WNT9B: variants seen among roughly 807,000 people sequenced by gnomAD.
WNT9B encodes the protein Wnt family member 9B.
WNT9B carries 12 observed loss-of-function variants against 30.2 expected under a neutral mutation model. That is an observed-to-expected ratio of 0.40 (90% CI 0.26 to 0.64). The LOEUF (loss-of-function observed/expected upper bound fraction) is 0.64. Among genes scored for constraint, WNT9B ranks in the 30% least tolerant of loss-of-function variants. The pLI, the probability that WNT9B is intolerant of heterozygous loss-of-function variation, is 0.42. For synonymous variants in WNT9B, 218 were observed against 216.9 expected (o/e 1.01, Z -0.05); for missense variants, 442 against 485.2 (o/e 0.91, Z 0.84).
chr17:46,837,088 A>G (rs1371675513), intron 1 of WNT9B, among the ~76,000 whole-genome samples: 2 of 151,848 alleles, frequency 1.3e-5, no homozygotes, highest in Non-Finnish European at 2.9e-5. Flanking sequence ...GACTACAGGC[A>G]CTCGCCACCA....
At chr17:46,865,818 C>A (rs1046602051) in intron 1 of WNT9B, among the ~76,000 whole-genome samples, 1 of 152,138 alleles carries the variant, frequency 6.6e-6, no homozygotes, top group Non-Finnish European at 1.5e-5. Context: ...ACTTACGTTG[C>A]CCAGGCTGGT....
chr17:46,857,704 A>C (rs1311546490), intron 1 of WNT9B, among the ~76,000 whole-genome samples: 2 of 152,138 alleles, frequency 1.3e-5, no homozygotes, highest in African/African-American at 4.8e-5. Flanking sequence ...AATGTATGAG[A>C]GTTCCAGTTG....
chr17:46,877,038 C>G lies in WNT9B; in HGVS notation c.*320C>G, dbSNP rs762890816. The G allele has an allele frequency of 2.2e-5, 26 of 1,164,292 alleles. No individual in the cohort carries two copies. In the African/African-American group the frequency reaches 3.8e-4, roughly 17 times the overall value. The allele number at this position is 1,164,292 out of a possible 1,614,324, so 72.1% of individuals were successfully genotyped here. On this transcript the variant is annotated 3_prime_UTR_variant, in exon 4 of 4. Transcript: ENST00000290015. Reference sequence around the variant, plus strand: ...AGCACAGCAGGACTGAAATTTTGGACGGGAGAGAGGGGCTATTCCATCTTG... The same window carrying G: ...AGCACAGCAGGACTGAAATTTTGGAGGGGAGAGAGGGGCTATTCCATCTTG...
At chr17:46,845,095 C>T (rs183971585) in intron 1 of WNT9B, among the ~76,000 whole-genome samples, 116 of 152,312 alleles carry the variant, frequency 7.6e-4, no homozygotes, top group African/African-American at 2.4e-3. Flanking sequence ...GTGATCCACT[C>T]GCCTCGGCCT....
At chr17:46,853,863 G>T (rs964056089) in intron 1 of WNT9B, among the ~76,000 whole-genome samples, 1 of 152,130 alleles carries the variant, frequency 6.6e-6, no homozygotes, top group African/African-American at 2.4e-5. Context: ...AGAGGAGAGG[G>T]GTTCCAGGAG....
intron 1 of WNT9B, among the ~76,000 whole-genome samples, chr17:46,856,633 G>A (rs930010172): frequency 2.0e-5 from 3 of 151,918 alleles, no homozygotes; most frequent in South Asian, 2.1e-4. Flanking sequence ...ACAAGTGTGC[G>A]CCACCATGCC....
chr17:46,842,435 C>T (rs1173783234), intron 1 of WNT9B, among the ~76,000 whole-genome samples: 2 of 152,262 alleles, frequency 1.3e-5, no homozygotes, highest in East Asian at 1.9e-4. Context: ...AGTGCAGTGG[C>T]GCGATCACGG....
chr17:46,843,400 G>A (rs1184780714), intron 1 of WNT9B, among the ~76,000 whole-genome samples: 1 of 152,042 alleles, frequency 6.6e-6, no homozygotes, highest in Admixed American at 6.6e-5. Context: ...AATTAGGAGG[G>A]ACTATTCCAT....
At chr17:46,839,935 T>C (rs1488168715) in intron 1 of WNT9B, among the ~76,000 whole-genome samples, 1 of 147,742 alleles carries the variant, frequency 6.8e-6, no homozygotes, top group African/African-American at 2.5e-5. Flanking sequence ...TTTCTTTCTT[T>C]CTTTCTTTCT....
chr17:46,858,978 CTTTTT>C (rs35256955), intron 1 of WNT9B, among the ~76,000 whole-genome samples: 1 of 134,234 alleles, frequency 7.4e-6, no homozygotes, highest in Admixed American at 7.6e-5. Flanking sequence ...ATAATTTTAG[CTTTTT>C]TTTTTTTTTT....
chr17:46,835,146 C>T (rs2084612102), intron 1 of WNT9B, among the ~76,000 whole-genome samples: 1 of 152,110 alleles, frequency 6.6e-6, no homozygotes, highest in African/African-American at 2.4e-5. Flanking sequence ...AGGAACACAC[C>T]ACCACACCTG....
chr17:46,850,678 A>G (rs1644804756), upstream of WNT9B, among the ~76,000 whole-genome samples: 1 of 152,226 alleles, frequency 6.6e-6, no homozygotes, highest in Non-Finnish European at 1.5e-5. Context: ...CTTTCTAGAC[A>G]GGTACCACGC....
At chr17:46,834,568 T>G (rs1316117867) in intron 1 of WNT9B, among the ~76,000 whole-genome samples, 2 of 152,120 alleles carry the variant, frequency 1.3e-5, no homozygotes, top group Non-Finnish European at 2.9e-5. Context: ...AACGGTCAAC[T>G]CTAGCAAGCA....
intron 1 of WNT9B, among the ~76,000 whole-genome samples, chr17:46,861,754 A>C (rs1317506822): frequency 6.6e-6 from 1 of 152,260 alleles, no homozygotes; most frequent in Non-Finnish European, 1.5e-5. Context: ...AGCTCTGGTC[A>C]GTCCTGGAAA....
Position 46,876,277 on chromosome 17 carries a change from G to A in WNT9B, c.633G>A (p.Lys211=), listed in dbSNP as rs2085344156. 1.9e-6 allele frequency: 3 copies of A among 1,613,438 alleles called. No individual in the cohort carries two copies. Among genetic ancestry groups the A allele is most frequent in the Admixed American group, 1.7e-5 (1 of 59,994 alleles). ...AVKSGLRTTC[K]CHGVSGSCAV... Reference sequence around the variant, plus strand: ...AGAGTGGCCTCAGGACCACGTGTAAGTGCCATGGCGTATCAGGCTCCTGTG... The same window carrying A: ...AGAGTGGCCTCAGGACCACGTGTAAATGCCATGGCGTATCAGGCTCCTGTG... Residue 211 remains lysine, a synonymous_variant, in exon 4 of 4, where the codon AAG becomes AAA. Transcript: ENST00000290015.
chr17:46,866,397 TGA>T lies in WNT9B; in HGVS notation c.78-6116_78-6115del, dbSNP rs770214703. On this transcript the variant is annotated intron_variant, in intron 1 of 3. Coordinates refer to ENST00000290015, the MANE Select transcript of WNT9B (RefSeq NM_003396.3). ...ATGTGCGTGAGAATGTGTGTATGTGTGAGAGTGTGCATGAGTGTATGTGCGAG... is the reference window on the plus strand; with the variant it reads ...ATGTGCGTGAGAATGTGTGTATGTGTGAGTGTGCATGAGTGTATGTGCGAG... Among the ~76,000 whole-genome samples, 19 of 151,908 alleles carry T rather than the reference TGA, an allele frequency of 1.3e-4. No homozygotes were observed. The South Asian group carries it at 3.7e-3, about 30-fold the overall frequency.
intron 1 of WNT9B, among the ~76,000 whole-genome samples, chr17:46,844,933 C>T (rs1426954503): frequency 7.2e-5 from 11 of 152,068 alleles, no homozygotes; most frequent in South Asian, 2.1e-4. Context: ...CTGCAACCTC[C>T]GCCTCCCAGC....
At chr17:46,862,828 C>A (rs2085064180) in intron 1 of WNT9B, among the ~76,000 whole-genome samples, 1 of 152,210 alleles carries the variant, frequency 6.6e-6, no homozygotes, top group South Asian at 2.1e-4. Context: ...AAGTGATCCG[C>A]CCGCCTCGGC....
intron 1 of WNT9B, among the ~76,000 whole-genome samples, chr17:46,866,900 G>A (rs1429249787): frequency 1.3e-5 from 2 of 152,192 alleles, no homozygotes; most frequent in African/African-American, 2.4e-5. Context: ...CTTAGGTGAT[G>A]AGAAAAGCTC....
Sources: allele counts gnomAD v4.1 joint callset (sites outside exome capture counted in the v4.1 genomes callset), GRCh38; gene constraint gnomAD v4.1.1; transcripts MANE v1.5; gene names NCBI Gene and HGNC (gene_info 2026-07-23, HGNC 2026-07-21).